Variants in KYAT1 observed in about 807,000 individuals in gnomAD.
KYAT1 encodes kynurenine--oxoglutarate transaminase 1.
Under a neutral mutation model 52.4 loss-of-function variants are expected in KYAT1, and 47 were observed. The ratio of observed to expected loss-of-function variants is 0.90; its 90% confidence interval spans 0.71 to 1.14. The LOEUF (loss-of-function observed/expected upper bound fraction) is 1.14, where lower values mean the gene tolerates loss of function less well. Among genes scored for constraint, KYAT1 ranks in the 50% most tolerant of loss-of-function variants. The pLI is 0.00. For missense variants in KYAT1, 480 were observed against 557.9 expected (o/e 0.86, Z 1.41); for synonymous variants, 212 against 209.6 (o/e 1.01, Z -0.10).
intron 1 of KYAT1, among the ~76,000 whole-genome samples, chr9:128,848,890 G>A (rs1191746085): frequency 6.6e-6 from 1 of 151,744 alleles, no homozygotes; most frequent in Non-Finnish European, 1.5e-5. Context: ...CACTTTGGGA[G>A]GCCAAGGCGG....
intron 1 of KYAT1, among the ~76,000 whole-genome samples, chr9:128,867,745 G>A (rs1281687587): frequency 6.6e-6 from 1 of 152,140 alleles, no homozygotes; most frequent in South Asian, 2.1e-4. Context: ...GAAAAATGCA[G>A]GTTGATTTCA....
intron 1 of KYAT1, 115 bp downstream of exon 1, chr9:128,881,782 T>C (rs967609814): frequency 2.0e-5 from 3 of 152,154 alleles, no homozygotes; most frequent in Non-Finnish European, 4.4e-5. Context: ...CCGTTATACT[T>C]AGTAGCATCA....
Position 128,835,762 on chromosome 9 carries a change from G to A in KYAT1, c.855+17C>T, listed in dbSNP as rs374767996. 1.6e-4 allele frequency: 253 copies of A among 1,609,286 alleles called. No homozygotes were observed. The highest frequency in any genetic ancestry group is 1.9e-4 in the Non-Finnish European group (220 of 1,177,726). Reference sequence around the variant, plus strand: ...TGTTGTCCCCCCACTCCCCCGTGACGTCCTGCCCCTCTTCACCTGGCTCTG... The same window carrying A: ...TGTTGTCCCCCCACTCCCCCGTGACATCCTGCCCCTCTTCACCTGGCTCTG... On this transcript the variant is annotated intron_variant, in intron 9 of 12. Transcript: ENST00000302586.
At chr9:128,840,701 C>T (rs899863668) in intron 3 of KYAT1, 5 of 428,050 alleles carry the variant, frequency 1.2e-5, no homozygotes, top group Non-Finnish European at 2.3e-5. Flanking sequence ...ATGAGTAAAC[C>T]TTACTGGAGG....
chr9:128,859,036 G>A (rs1835079013), intron 1 of KYAT1, among the ~76,000 whole-genome samples: 1 of 151,012 alleles, frequency 6.6e-6, no homozygotes, highest in South Asian at 2.1e-4. Flanking sequence ...AAGAAAAAGA[G>A]TATTTTGGAG....
chr9:128,870,221 A>G (rs1837042124), intron 1 of KYAT1, among the ~76,000 whole-genome samples: 1 of 152,190 alleles, frequency 6.6e-6, no homozygotes, highest in Non-Finnish European at 1.5e-5. Flanking sequence ...CAACAGGTGA[A>G]AAAAACCCAA....
At chr9:128,868,468 T>C (rs1198495295) in intron 1 of KYAT1, among the ~76,000 whole-genome samples, 1 of 152,164 alleles carries the variant, frequency 6.6e-6, no homozygotes, top group Non-Finnish European at 1.5e-5. Flanking sequence ...CACGGTTCAC[T>C]GTAGCCTCGA....
chr9:128,875,464 T>C (rs1464025344), intron 1 of KYAT1, among the ~76,000 whole-genome samples: 2 of 151,716 alleles, frequency 1.3e-5, no homozygotes, highest in African/African-American at 4.8e-5. Context: ...AATACAAAAA[T>C]TAGCCGGGTG....
At chr9:128,843,988 C>T (rs1453991108) in intron 2 of KYAT1, among the ~76,000 whole-genome samples, 2 of 152,184 alleles carry the variant, frequency 1.3e-5, no homozygotes, top group Admixed American at 6.5e-5. Flanking sequence ...AAGGCACAGC[C>T]AGCCAGCCTT....
chr9:128,842,721 A>G lies in KYAT1; in HGVS notation c.134T>C (p.Phe45Ser), dbSNP rs1832412062. The change falls in exon 3 of 13, where the codon TTT becomes TCT. Residue 45 changes from phenylalanine (F) to serine (S), a missense_variant. Transcript: ENST00000302586. ...QGFPDFPPPD[F>S]AVEAFQHAVS... ...AGCGTGCTGAAAGGCTTCCACGGCA[A>G]AGTCTGGTGGTGGGAAATCCGGGAA... The G allele has an allele frequency of 6.2e-7, 1 of 1,614,092 alleles. No individual in the cohort carries two copies. Among genetic ancestry groups the G allele is most frequent in the South Asian group, 1.1e-5 (1 of 91,086 alleles).
At chr9:128,875,238 GTTT>G (rs937445820) in intron 1 of KYAT1, among the ~76,000 whole-genome samples, 1 of 127,736 alleles carries the variant, frequency 7.8e-6, no homozygotes, top group African/African-American at 3.0e-5. Context: ...TGTTCAATTT[GTTT>G]TTTTTTGTTT....
Position 128,833,727 on chromosome 9 carries a change from C to T in KYAT1, c.1209+13G>A, listed in dbSNP as rs182064346. On this transcript the variant is annotated intron_variant, in intron 12 of 12. Coordinates refer to ENST00000302586, the MANE Select transcript of KYAT1 (RefSeq NM_004059.5). ...CTCTGTGAGGTCTTTCCTCCCCCAG[C>T]CCTGCCCTTTACCTTCACAAAACAG... 3 of 1,614,062 alleles carry T rather than the reference C, an allele frequency of 1.9e-6. No homozygotes were observed. Among genetic ancestry groups the T allele is most frequent in the African/African-American group, 2.7e-5 (2 of 75,068 alleles).
upstream of KYAT1, chr9:128,882,074 ACG>A (rs1183867765): frequency 6.6e-6 from 1 of 152,220 alleles, no homozygotes; most frequent in Non-Finnish European, 1.5e-5. Flanking sequence ...AAAGATGGCG[ACG>A]CCCTGGCCGC....
chr9:128,871,196 T>G (rs1486356892), intron 1 of KYAT1, among the ~76,000 whole-genome samples: 1 of 151,934 alleles, frequency 6.6e-6, no homozygotes, highest in Non-Finnish European at 1.5e-5. Context: ...TACGTGTCTG[T>G]AGTCCCAGCT....
At chr9:128,848,651 C>T (rs935700440) in intron 1 of KYAT1, among the ~76,000 whole-genome samples, 2 of 151,654 alleles carry the variant, frequency 1.3e-5, no homozygotes, top group African/African-American at 4.9e-5. Flanking sequence ...AACCTCGTCT[C>T]TACTAAAAAT....
intron 1 of KYAT1, chr9:128,847,407 C>A: frequency 6.8e-7 from 1 of 1,464,478 alleles, no homozygotes; most frequent in Non-Finnish European, 9.2e-7. Flanking sequence ...ATGCAGGTGG[C>A]AGAGTATTGG....
At position 128,838,306 on chromosome 9, in the gene KYAT1, A is replaced by C. The variant is rs201539765; in HGVS notation, c.263T>G (p.Ile88Arg). The C allele has an allele frequency of 1.2e-6, 2 of 1,614,150 alleles. No homozygotes were observed. The highest frequency in any genetic ancestry group is 2.2e-5 in the East Asian group (1 of 44,864). ...SFFGELLGQE[I>R]DPLRNVLVTV... ...CACCAGCACATTCCTGAGCGGGTCT[A>C]TCTCCTGACCCAGCAGCTCCCCAAA... The change falls in exon 4 of 13, where the codon ATA becomes AGA. Residue 88 changes from isoleucine to arginine, a missense_variant. Ile to Arg is a moderately conservative substitution (Grantham distance 97, BLOSUM62 -3). Transcript: ENST00000302586.
chr9:128,864,753 T>C (rs955361331), intron 1 of KYAT1, among the ~76,000 whole-genome samples: 5 of 151,850 alleles, frequency 3.3e-5, no homozygotes, highest in Admixed American at 3.3e-4. Context: ...GGACTACAGT[T>C]GTGCACCACC....
chr9:128,851,296 T>C (rs757211571), intron 1 of KYAT1, among the ~76,000 whole-genome samples: 5 of 152,168 alleles, frequency 3.3e-5, no homozygotes, highest in African/African-American at 4.8e-5. Flanking sequence ...AACGTGAGTA[T>C]TGAGGACAGC....
Sources: allele counts gnomAD v4.1 joint callset (sites outside exome capture counted in the v4.1 genomes callset), GRCh38; gene constraint gnomAD v4.1.1; transcripts MANE v1.5; gene names NCBI Gene and HGNC (gene_info 2026-07-23, HGNC 2026-07-21).